NAV3: variants seen among roughly 807,000 people sequenced by gnomAD.
NAV3 encodes the protein pore membrane and/or filament interacting like protein 1.
In NAV3, 87 loss-of-function variants were observed where a neutral mutation model predicts 244.7. The ratio of observed to expected loss-of-function variants is 0.36; its 90% CI spans 0.30 to 0.42. The LOEUF is 0.42. Ranked by LOEUF, NAV3 falls within the 20% of genes least tolerant of loss-of-function variation. NAV3 has a pLI of 1.00. For synonymous variants in NAV3, 1,126 were observed against 1,042.2 expected (o/e 1.08, Z -1.55); for missense variants, 2,663 against 2,893.3 (o/e 0.92, Z 1.83).
chr12:77,724,688 A>G (rs1468457504), intron 2 of NAV3, among the ~76,000 whole-genome samples: 1 of 151,894 alleles, frequency 6.6e-6, no homozygotes, highest in Non-Finnish European at 1.5e-5. Flanking sequence ...ATATGGTATC[A>G]ATATCCTATC....
At chr12:78,190,819 A>G (rs908938970) in intron 34 of NAV3, among the ~76,000 whole-genome samples, 23 of 152,150 alleles carry the variant, frequency 1.5e-4, no homozygotes, top group African/African-American at 2.4e-5. Flanking sequence ...ACACTCAGAT[A>G]TTAAAAAGGC....
intron 2 of NAV3, among the ~76,000 whole-genome samples, chr12:77,725,790 G>T (rs771173308): frequency 6.6e-6 from 1 of 151,946 alleles, no homozygotes; most frequent in African/African-American, 2.4e-5. Context: ...GCCTCACTGG[G>T]TTAAATTTAG....
chr12:77,650,511 A>G (rs997375570), intron 2 of NAV3, among the ~76,000 whole-genome samples: 1 of 152,164 alleles, frequency 6.6e-6, no homozygotes, highest in African/African-American at 2.4e-5. Flanking sequence ...AATATATTTA[A>G]TTAGCCCAAT....
rs1007812368 is a variant in NAV3 at position 78,112,704 on chromosome 12, G to A, written c.2637-4068G>A. On this transcript the variant is annotated intron_variant, in intron 12 of 39. Transcript: ENST00000397909. ...GGAACTACAATTCAAGATGAGATTT[G>A]GGTGGGGACACAGCCACACCATTTC... Among the ~76,000 whole-genome samples, 7 of 152,156 alleles carry A rather than the reference G, an allele frequency of 4.6e-5. No homozygotes were observed. The South Asian group carries it at 1.5e-3, about 32-fold the overall frequency.
chr12:78,029,154 C>T (rs1344007148), intron 9 of NAV3, among the ~76,000 whole-genome samples: 1 of 138,624 alleles, frequency 7.2e-6, no homozygotes, highest in Non-Finnish European at 1.5e-5. Context: ...ATGAGAAAAA[C>T]AATGGTGTCT....
intron 2 of NAV3, among the ~76,000 whole-genome samples, chr12:77,628,527 T>C (rs1871738796): frequency 6.6e-6 from 1 of 152,222 alleles, no homozygotes; most frequent in Admixed American, 6.5e-5. Context: ...ATAGTAATTT[T>C]TATAAACTAT....
intron 1 of NAV3, among the ~76,000 whole-genome samples, chr12:77,835,518 C>CA (rs796185691): frequency 2.0e-5 from 3 of 152,298 alleles, no homozygotes; most frequent in African/African-American, 7.2e-5. Context: ...CAAATGCCAT[C>CA]ATTCCAGTCA....
At chr12:77,702,905 A>G (rs1875626267) in intron 2 of NAV3, among the ~76,000 whole-genome samples, 1 of 151,794 alleles carries the variant, frequency 6.6e-6, no homozygotes, top group Non-Finnish European at 1.5e-5. Context: ...TTCCTCTGGT[A>G]TCAATTCCCT....
chr12:77,611,763 G>A (rs1870924921), intron 2 of NAV3, among the ~76,000 whole-genome samples: 1 of 151,924 alleles, frequency 6.6e-6, no homozygotes, highest in African/African-American at 2.4e-5. Context: ...TTTAATAAAA[G>A]TAAATAATTG....
chr12:77,769,228 T>C (rs1015748057), intron 2 of NAV3, among the ~76,000 whole-genome samples: 2 of 152,240 alleles, frequency 1.3e-5, no homozygotes, highest in Admixed American at 1.3e-4. Flanking sequence ...TGCATGTTTA[T>C]GAAACAATTC....
intron 2 of NAV3, among the ~76,000 whole-genome samples, chr12:77,618,697 G>C (rs1250547252): frequency 6.6e-6 from 1 of 152,060 alleles, no homozygotes; most frequent in Non-Finnish European, 1.5e-5. Context: ...AGTAATCCTT[G>C]AATATTACTT....
At chr12:78,188,166 A>C in intron 31 of NAV3, 82 bp from the exon 32 acceptor site, 1 of 1,054,392 alleles carries the variant, frequency 9.5e-7, no homozygotes, top group Non-Finnish European at 1.4e-6. Context: ...CAACAACTAC[A>C]TTAACTAATT....
chr12:77,940,857 C>T (rs1889799975), intron 2 of NAV3, among the ~76,000 whole-genome samples: 1 of 152,106 alleles, frequency 6.6e-6, no homozygotes, highest in Admixed American at 6.6e-5. Flanking sequence ...GAATTAGCAG[C>T]AACTTCCTTC....
intron 1 of NAV3, among the ~76,000 whole-genome samples, chr12:77,888,372 G>A (rs997006300): frequency 6.6e-6 from 1 of 152,192 alleles, no homozygotes; most frequent in South Asian, 2.1e-4. Flanking sequence ...AGCTACTGGG[G>A]AGGTTGAAGC....
chr12:77,806,375 T>C (rs1871980466), intron 2 of NAV3, among the ~76,000 whole-genome samples: 1 of 152,216 alleles, frequency 6.6e-6, no homozygotes, highest in African/African-American at 2.4e-5. Context: ...GTCTTTGTTC[T>C]CATTGGTTTC....
At chr12:77,603,060 C>G (rs1870512752) in intron 2 of NAV3, among the ~76,000 whole-genome samples, 1 of 151,994 alleles carries the variant, frequency 6.6e-6, no homozygotes, top group Non-Finnish European at 1.5e-5. Flanking sequence ...ATTCTTCTCT[C>G]TAGTCGTTCT....
chr12:77,862,832 C>T (rs1338152531), intron 1 of NAV3, among the ~76,000 whole-genome samples: 1 of 151,302 alleles, frequency 6.6e-6, no homozygotes, highest in African/African-American at 2.4e-5. Flanking sequence ...GATGAAGCAA[C>T]TGTTTATTTT....
intron 2 of NAV3, among the ~76,000 whole-genome samples, chr12:77,740,509 A>C (rs1868308763): frequency 6.6e-6 from 1 of 152,156 alleles, no homozygotes; most frequent in Non-Finnish European, 1.5e-5. Context: ...CTCCAGTACA[A>C]GTTATTTTTG....
At chr12:78,032,070 C>A (rs1468878436) in intron 9 of NAV3, among the ~76,000 whole-genome samples, 7 of 152,088 alleles carry the variant, frequency 4.6e-5, no homozygotes, top group Non-Finnish European at 8.8e-5. Context: ...TAACTGAGCC[C>A]CTGAAAAATC....
Sources: allele counts gnomAD v4.1 joint callset (sites outside exome capture counted in the v4.1 genomes callset), GRCh38; gene constraint gnomAD v4.1.1; transcripts MANE v1.5; gene names NCBI Gene and HGNC (gene_info 2026-07-23, HGNC 2026-07-21).